Variants in IQCM observed in about 807,000 individuals in gnomAD.
IQCM encodes the protein IQ domain-containing protein M.
A neutral mutation model predicts 57.6 loss-of-function variants in IQCM; 45 were observed. The ratio of observed to expected loss-of-function variants is 0.78; its 90% CI spans 0.62 to 1.00. IQCM has a LOEUF of 1.00. IQCM is among the 50% of genes least tolerant of loss of function. The pLI is 0.00. For missense variants in IQCM, 468 were observed against 511.6 expected, an observed-to-expected ratio of 0.91 and a Z score of 0.82; for synonymous variants, 148 against 158.9, an observed-to-expected ratio of 0.93 and a Z score of 0.51.
At chr4:149,772,723 G>A (rs372104833) in intron 2 of IQCM, among the ~76,000 whole-genome samples, 11 of 152,216 alleles carry the variant, frequency 7.2e-5, no homozygotes, top group East Asian at 3.9e-4. Context: ...CTGTGCTGTC[G>A]TTCTTTTCAG....
At chr4:149,795,546 G>A (rs80280212) in intron 2 of IQCM, among the ~76,000 whole-genome samples, 3,342 of 152,240 alleles carry the variant, frequency 0.022, 64 homozygotes, top group South Asian at 0.036. Flanking sequence ...TGGGCCCAGA[G>A]CCAATGGACT....
chr4:149,384,538 C>G (rs1168056099), intron 13 of IQCM, among the ~76,000 whole-genome samples: 1 of 152,040 alleles, frequency 6.6e-6, no homozygotes, highest in African/African-American at 2.4e-5. Flanking sequence ...TTTTTACCTT[C>G]CCACAATTTA....
At chr4:149,430,659 G>A (rs912523383) in intron 13 of IQCM, among the ~76,000 whole-genome samples, 4 of 151,872 alleles carry the variant, frequency 2.6e-5, no homozygotes, top group Non-Finnish European at 5.9e-5. Flanking sequence ...CAGCCTTGTC[G>A]TTATATGTAT....
At chr4:149,579,498 A>G (rs562965881) in intron 9 of IQCM, among the ~76,000 whole-genome samples, 1 of 151,840 alleles carries the variant, frequency 6.6e-6, no homozygotes, top group African/African-American at 2.4e-5. Flanking sequence ...AGACTGGGAA[A>G]CCAGTGATGC....
chr4:149,728,527 G>T (rs1233759815), intron 5 of IQCM, among the ~76,000 whole-genome samples: 1 of 152,114 alleles, frequency 6.6e-6, no homozygotes, highest in East Asian at 1.9e-4. Context: ...TATTACCACT[G>T]TTTAATTATT....
intron 7 of IQCM, among the ~76,000 whole-genome samples, chr4:149,624,214 T>C (rs1056840146): frequency 6.6e-6 from 1 of 151,972 alleles, no homozygotes; most frequent in African/African-American, 2.4e-5. Flanking sequence ...GATTTGGCAT[T>C]GACTACAAGG....
At chr4:149,459,702 T>C (rs1032738674) in intron 12 of IQCM, among the ~76,000 whole-genome samples, 3 of 152,196 alleles carry the variant, frequency 2.0e-5, no homozygotes, top group Non-Finnish European at 2.9e-5. Context: ...CTGTCTGTGA[T>C]TGGCTTATTT....
chr4:149,633,949 C>T (rs2150100412), intron 7 of IQCM, among the ~76,000 whole-genome samples: 1 of 152,256 alleles, frequency 6.6e-6, no homozygotes, highest in Non-Finnish European at 1.5e-5. Context: ...CCTGAATCTA[C>T]TCTAATTATT....
At chr4:149,806,885 G>A (rs1414933307) in intron 2 of IQCM, among the ~76,000 whole-genome samples, 2 of 151,524 alleles carry the variant, frequency 1.3e-5, no homozygotes, top group Non-Finnish European at 1.5e-5. Context: ...GACAGTGATC[G>A]ATCTTACAAA....
intron 9 of IQCM, among the ~76,000 whole-genome samples, chr4:149,571,562 T>C (rs549316370): frequency 6.6e-6 from 1 of 152,174 alleles, no homozygotes; most frequent in African/African-American, 2.4e-5. Context: ...GTCCAAGAGA[T>C]CTATTGTATA....
intron 8 of IQCM, among the ~76,000 whole-genome samples, chr4:149,607,620 A>G (rs1174573195): frequency 6.6e-6 from 1 of 152,044 alleles, no homozygotes; most frequent in Non-Finnish European, 1.5e-5. Context: ...AGATAACAAA[A>G]AGTCAAAAAA....
intron 10 of IQCM, among the ~76,000 whole-genome samples, chr4:149,558,725 A>G (rs1467331730): frequency 1.3e-5 from 2 of 152,196 alleles, no homozygotes; most frequent in East Asian, 3.9e-4. Context: ...TCTCAGAAAT[A>G]TGATGAGATT....
chr4:149,580,469 TA>T (rs1450336265), intron 9 of IQCM, among the ~76,000 whole-genome samples: 3 of 151,840 alleles, frequency 2.0e-5, no homozygotes, highest in Non-Finnish European at 2.9e-5. Context: ...CATGTCATGC[TA>T]AACTCATTTT....
Position 149,774,859 on chromosome 4 carries a change from TA to T in IQCM, c.-48-32121del, listed in dbSNP as rs11352449. Among the ~76,000 whole-genome samples the T allele has an allele frequency of 6.1e-3, 926 of 151,874 alleles. 13 individuals carry two copies. Among genetic ancestry groups the T allele is most frequent in the African/African-American group, 0.022 (896 of 41,404 alleles). ...AGGAAAGTATATATAAAAGAGAAGA[TA>T]GAAAAATATGTTTTAATTTGTTTTT... On this transcript the variant is annotated intron_variant, in intron 2 of 13. Transcript: ENST00000636793.
chr4:149,710,134 C>A (rs1764456805), intron 5 of IQCM, among the ~76,000 whole-genome samples: 1 of 152,082 alleles, frequency 6.6e-6, no homozygotes, highest in Admixed American at 6.6e-5. Context: ...TCATAAAACT[C>A]TTTCTAAATG....
intron 12 of IQCM, among the ~76,000 whole-genome samples, chr4:149,459,650 T>C (rs1288005535): frequency 6.6e-6 from 1 of 152,212 alleles, no homozygotes; most frequent in Non-Finnish European, 1.5e-5. Context: ...TTCTACTTTC[T>C]ATCTCTATGA....
intron 5 of IQCM, among the ~76,000 whole-genome samples, chr4:149,699,458 G>C (rs920117433): frequency 6.6e-6 from 1 of 151,800 alleles, no homozygotes; most frequent in African/African-American, 2.4e-5. Flanking sequence ...AACAGATATG[G>C]CTACAGTCCA....
At chr4:149,680,134 C>A (rs541292265) in intron 7 of IQCM, among the ~76,000 whole-genome samples, 216 of 151,314 alleles carry the variant, frequency 1.4e-3, no homozygotes, top group African/African-American at 5.0e-3. Flanking sequence ...GTGAAAATCC[C>A]TATTCTTATC....
chr4:149,704,457 T>C (rs1283217534), intron 5 of IQCM, among the ~76,000 whole-genome samples: 1 of 151,882 alleles, frequency 6.6e-6, no homozygotes, highest in Non-Finnish European at 1.5e-5. Flanking sequence ...GCCACAAAGA[T>C]ATGAATAATT....
Sources: gnomAD v4.1 joint callset for allele counts (sites outside exome capture counted in the v4.1 genomes callset) on GRCh38, gnomAD v4.1.1 for gene constraint, MANE v1.5 for transcripts, NCBI Gene and HGNC (gene_info 2026-07-23, HGNC 2026-07-21) for gene names.